Variants in STMN1 observed in about 807,000 individuals in gnomAD.
STMN1 encodes stathmin.
Under a neutral mutation model 19.7 loss-of-function variants are expected in STMN1, and 3 were observed. That is an observed-to-expected ratio of 0.15 (90% CI 0.07 to 0.39). The LOEUF (loss-of-function observed/expected upper bound fraction) is 0.39, where lower values mean the gene tolerates loss of function less well. Among genes scored for constraint, STMN1 ranks in the 10% least tolerant of loss-of-function variants. The pLI is 1.00. For synonymous variants in STMN1, 59 were observed against 58.9 expected, an observed-to-expected ratio of 1.00 and a Z score of -0.01; for missense variants, 99 against 176.0, an observed-to-expected ratio of 0.56 and a Z score of 2.48.
chr1:25,903,903 A>T, intron 2 of STMN1, 90 bp from the exon 3 acceptor site: 1 of 1,362,594 alleles, frequency 7.3e-7, no homozygotes. Context: ...AAATCAATTT[A>T]ATGTATTAAA....
chr1:25,893,074 T>G (rs1401000854), intron 4 of STMN1, among the ~76,000 whole-genome samples: 2 of 152,228 alleles, frequency 1.3e-5, no homozygotes, highest in Non-Finnish European at 2.9e-5. Flanking sequence ...TACTAAATTG[T>G]ACGCTCAAAA....
chr1:25,892,974 TCTG>T (rs1368239164), intron 4 of STMN1, among the ~76,000 whole-genome samples: 2 of 152,212 alleles, frequency 1.3e-5, no homozygotes, highest in Non-Finnish European at 2.9e-5. Flanking sequence ...AAATGTTTAA[TCTG>T]CTGCTAACTT....
intron 4 of STMN1, among the ~76,000 whole-genome samples, chr1:25,893,698 G>C (rs143007986): frequency 6.6e-6 from 1 of 152,112 alleles, no homozygotes; most frequent in Non-Finnish European, 1.5e-5. Context: ...CCGCCATCAC[G>C]CCTGGCTAAT....
chr1:25,894,837 G>A (rs147808022), intron 4 of STMN1, among the ~76,000 whole-genome samples: 29 of 152,288 alleles, frequency 1.9e-4, no homozygotes, highest in African/African-American at 7.0e-4. Flanking sequence ...CTCCCAAAGT[G>A]CTGGGATTAC....
intron 4 of STMN1, among the ~76,000 whole-genome samples, chr1:25,890,835 C>T (rs980794033): frequency 7.4e-4 from 113 of 152,100 alleles, no homozygotes; most frequent in African/African-American, 2.6e-3. Flanking sequence ...GAGGTGAGCA[C>T]AGGCACTGCC....
downstream of STMN1, among the ~76,000 whole-genome samples, chr1:25,899,433 T>C (rs968702896): frequency 1.3e-5 from 2 of 152,224 alleles, no homozygotes; most frequent in Admixed American, 6.5e-5. Context: ...GGTTTAGATA[T>C]TGCTCAGAAC....
At chr1:25,885,851 C>A (rs576367790) in exon 5 of STMN1, 1 of 1,549,466 alleles carries the variant, frequency 6.5e-7, no homozygotes, top group South Asian at 1.2e-5. Context: ...GCCCCAGGCC[C>A]GTGAGTCCAG....
chr1:25,900,581 A>G lies in STMN1; in HGVS notation c.*435T>C. ...GTCACTGCCACCAACAGCACTGTGC[A>G]GTTTTATTAACCATTCAAGTCCAGT... On this transcript the variant is annotated 3_prime_UTR_variant, in exon 5 of 5. Transcript: ENST00000455785. The G allele has an allele frequency of 9.1e-6, 9 of 988,146 alleles. No homozygotes were observed. The highest frequency in any genetic ancestry group is 1.1e-5 in the Non-Finnish European group (9 of 831,546). The allele number at this position is 988,146 out of a possible 1,614,324, so 61.2% of individuals were successfully genotyped here.
intron 2 of STMN1, 122 bp from the exon 3 acceptor site, chr1:25,903,935 G>A: frequency 1.8e-6 from 2 of 1,087,784 alleles, no homozygotes; most frequent in Non-Finnish European, 1.3e-6. Context: ...GAGGAAAGTT[G>A]TGTTTTTTTT....
chr1:25,887,550 G>C (rs1478594536), intron 4 of STMN1: 1 of 268,914 alleles, frequency 3.7e-6, no homozygotes, highest in African/African-American at 2.3e-5. Context: ...GTTTTAATAT[G>C]GTATAAAAAT....
Position 25,900,615 on chromosome 1 carries a change from G to T in STMN1, c.*401C>A. ...AACCATTCAAGTCCAGTAGCATCTG[G>T]TAAGATTGGGACAGAATTGGGATTG... On this transcript the variant is annotated 3_prime_UTR_variant, in exon 5 of 5. Coordinates refer to ENST00000455785, the MANE Select transcript of STMN1 (RefSeq NM_005563.4). The T allele has an allele frequency of 1.0e-6, 1 of 992,010 alleles. No individual in the cohort carries two copies. Among genetic ancestry groups the T allele is most frequent in the Non-Finnish European group, 1.2e-6 (1 of 834,244 alleles). 61.5% of individuals were successfully genotyped at this position (992,010 alleles called of 1,614,324 possible).
chr1:25,889,169 C>T, intron 4 of STMN1: 1 of 323,898 alleles, frequency 3.1e-6, no homozygotes, highest in South Asian at 3.2e-5. Context: ...ATCACATTAC[C>T]ATATCAAGCT....
chr1:25,890,233 G>T (rs1194772576), intron 4 of STMN1, among the ~76,000 whole-genome samples: 3 of 152,152 alleles, frequency 2.0e-5, no homozygotes, highest in Non-Finnish European at 2.9e-5. Context: ...TTGGGGAAGG[G>T]GACGCAACAC....
At chr1:25,887,351 A>G (rs964476712) in intron 4 of STMN1, 7 of 243,780 alleles carry the variant, frequency 2.9e-5, no homozygotes, top group Non-Finnish European at 5.9e-5. Flanking sequence ...GCATTTGCCC[A>G]TAGTTACGGT....
rs958987299 is a variant in STMN1 at position 25,900,892 on chromosome 1, C to A, written c.*124G>T. 13 of 1,545,760 alleles carry A rather than the reference C, an allele frequency of 8.4e-6. No homozygotes were observed. The African/African-American group carries it at 1.7e-4, about 20-fold the overall frequency. On this transcript the variant is annotated 3_prime_UTR_variant, in exon 5 of 5. Transcript: ENST00000455785. Reference sequence around the variant, plus strand: ...ATCTTACAGTCTGGATCTGGATCTACCTATACAGTCCTACATTAGCTTCTA... The same window carrying A: ...ATCTTACAGTCTGGATCTGGATCTAACTATACAGTCCTACATTAGCTTCTA...
At chr1:25,903,960 T>C (rs2048906080) in intron 2 of STMN1, 147 bp from the exon 3 acceptor site, 4 of 794,144 alleles carry the variant, frequency 5.0e-6, no homozygotes, top group Non-Finnish European at 7.6e-6. Context: ...TTTTTATTCC[T>C]ATCAGTCTAC....
At chr1:25,888,386 G>A (rs565645281) in intron 4 of STMN1, among the ~76,000 whole-genome samples, 11 of 152,250 alleles carry the variant, frequency 7.2e-5, no homozygotes, top group African/African-American at 2.6e-4. Flanking sequence ...ACAGCAGAAT[G>A]CAAACTCCTC....
intron 4 of STMN1, among the ~76,000 whole-genome samples, chr1:25,891,048 C>T (rs1479843528): frequency 2.0e-5 from 3 of 151,998 alleles, no homozygotes; most frequent in Non-Finnish European, 4.4e-5. Context: ...AGGATTCAAT[C>T]GGGGCCGGGC....
intron 4 of STMN1, 42 bp downstream of exon 4, chr1:25,901,446 GCAT>G: frequency 6.4e-7 from 1 of 1,554,448 alleles, no homozygotes; most frequent in South Asian, 1.2e-5. Context: ...ACTCATTGGT[GCAT>G]CAAACTCCAA....
Sources: gnomAD v4.1 joint callset for allele counts (sites outside exome capture counted in the v4.1 genomes callset) on GRCh38, gnomAD v4.1.1 for gene constraint, MANE v1.5 for transcripts, NCBI Gene and HGNC (gene_info 2026-07-23, HGNC 2026-07-21) for gene names.